Variants in MEF2A observed in about 807,000 individuals in gnomAD.
MEF2A encodes myocyte-specific enhancer factor 2A.
In MEF2A, 28 loss-of-function variants were observed where a neutral mutation model predicts 55.8. The observed-to-expected ratio is 0.50, with a 90% CI of 0.37 to 0.69. The LOEUF (loss-of-function observed/expected upper bound fraction) is 0.69. Among genes scored for constraint, MEF2A ranks in the 30% least tolerant of loss-of-function variants. The pLI is 0.00. For synonymous variants in MEF2A, 239 were observed against 227.1 expected, an observed-to-expected ratio of 1.05 and a Z score of -0.47; for missense variants, 528 against 626.2, an observed-to-expected ratio of 0.84 and a Z score of 1.67.
chr15:99,664,456 A>G (rs1362003231), intron 4 of MEF2A, among the ~76,000 whole-genome samples: 2 of 152,222 alleles, frequency 1.3e-5, no homozygotes, highest in African/African-American at 4.8e-5. Flanking sequence ...GATAATCTTC[A>G]TGTAGAAATG....
chr15:99,648,694 A>G (rs749649338), intron 4 of MEF2A, among the ~76,000 whole-genome samples: 4 of 152,130 alleles, frequency 2.6e-5, no homozygotes, highest in African/African-American at 7.2e-5. Flanking sequence ...TACTTTCCCT[A>G]TATTACTGAA....
At chr15:99,608,952 A>G (rs867903321) in intron 2 of MEF2A, among the ~76,000 whole-genome samples, 1 of 152,224 alleles carries the variant, frequency 6.6e-6, no homozygotes, top group East Asian at 1.9e-4. Flanking sequence ...AGGCAAAGGT[A>G]CCAGTATTCA....
intron 1 of MEF2A, among the ~76,000 whole-genome samples, chr15:99,596,579 A>G (rs1331843320): frequency 6.6e-6 from 1 of 152,232 alleles, no homozygotes; most frequent in Non-Finnish European, 1.5e-5. Flanking sequence ...ATCAGATTCA[A>G]AAGATTGGTG....
At chr15:99,624,752 T>G (rs2041797940) in intron 2 of MEF2A, among the ~76,000 whole-genome samples, 1 of 152,212 alleles carries the variant, frequency 6.6e-6, no homozygotes, top group Admixed American at 6.5e-5. Context: ...TGTAGATCCC[T>G]TTGTGCAGTA....
Position 99,712,437 on chromosome 15 carries a change from A to T in MEF2A, c.1184A>T (p.Asn395Ile), listed in dbSNP as rs776974654. The change falls in exon 12 of 12, where the codon AAC becomes ATC. Residue 395 changes from asparagine to isoleucine, a missense_variant. Transcript: ENST00000557942. The surrounding 1 kb of genome is among the most constrained non-coding windows in gnomAD (Gnocchi z 4.1). ...GGTTCCAATTTATCCATTAATACCA[A>T]CCAAAACATCAGCATCAAGTCCGAA... Reference protein sequence around the residue: ...SQGSNLSINTNQNISIKSEPI... With the variant: ...SQGSNLSINTIQNISIKSEPI... 6.5e-7 allele frequency: 1 copy of T among 1,550,016 alleles called. No homozygotes were observed. The highest frequency in any genetic ancestry group is 1.2e-5 in the South Asian group (1 of 83,970).
intron 2 of MEF2A, among the ~76,000 whole-genome samples, chr15:99,599,096 C>T (rs1972165597): frequency 6.6e-6 from 1 of 152,046 alleles, no homozygotes; most frequent in Non-Finnish European, 1.5e-5. Flanking sequence ...TTACATTGGC[C>T]TAGGTTAACA....
At chr15:99,633,845 GTT>G (rs2043311879) in intron 3 of MEF2A, among the ~76,000 whole-genome samples, 1 of 152,174 alleles carries the variant, frequency 6.6e-6, no homozygotes, top group African/African-American at 2.4e-5. Context: ...TGTAAATAAA[GTT>G]TTATTAGAGC....
chr15:99,575,621 ACTGAATAAT>A lies in MEF2A; in HGVS notation c.-225+9521_-225+9529del, dbSNP rs935727520. On this transcript the variant is annotated intron_variant, in intron 1 of 11. Transcript: ENST00000557942. ...AGGTATCATAGTCCCCTTTGTTATT[ACTGAATAAT>A]CTGTTGGAGACACTTGGAGACTGAA... Among the ~76,000 whole-genome samples the A allele has an allele frequency of 5.4e-4, 83 of 152,306 alleles. 1 individual carries two copies. The highest frequency in any genetic ancestry group is 2.0e-3 in the African/African-American group (82 of 41,558).
intron 7 of MEF2A, among the ~76,000 whole-genome samples, chr15:99,685,496 G>A (rs2054052276): frequency 6.6e-6 from 1 of 151,852 alleles, no homozygotes; most frequent in African/African-American, 2.4e-5. Flanking sequence ...TCTCAGCTTG[G>A]TCATTGTTGG....
intron 5 of MEF2A, 63 bp from the exon 6 acceptor site, chr15:99,674,329 CA>C: frequency 2.1e-6 from 3 of 1,460,316 alleles, no homozygotes; most frequent in Non-Finnish European, 2.8e-6. Flanking sequence ...AATTAAAGTT[CA>C]AAAGTTACTT....
intron 1 of MEF2A, among the ~76,000 whole-genome samples, chr15:99,573,015 G>A (rs1399710808): frequency 1.3e-5 from 2 of 152,108 alleles, no homozygotes; most frequent in African/African-American, 4.8e-5. Flanking sequence ...TCGGCCGGGC[G>A]CGGTGGCTCA....
chr15:99,567,212 G>C (rs1567123494), intron 1 of MEF2A, among the ~76,000 whole-genome samples: 1 of 152,182 alleles, frequency 6.6e-6, no homozygotes, highest in Admixed American at 6.5e-5. Flanking sequence ...GTGAGATTGG[G>C]ATTCCAATAA....
At chr15:99,689,114 G>T (rs570062303) in intron 7 of MEF2A, among the ~76,000 whole-genome samples, 1 of 152,304 alleles carries the variant, frequency 6.6e-6, no homozygotes, top group South Asian at 2.1e-4. Flanking sequence ...ATATCACAAT[G>T]TGCATTTTTC....
At chr15:99,608,660 A>G (rs1162365012) in intron 2 of MEF2A, among the ~76,000 whole-genome samples, 1 of 152,182 alleles carries the variant, frequency 6.6e-6, no homozygotes, top group African/African-American at 2.4e-5. Flanking sequence ...GCATTTTGGG[A>G]GGCCGAGGTG....
Position 99,592,201 on chromosome 15 carries a change from C to A in MEF2A, c.-224-6229C>A, listed in dbSNP as rs150481460. Among the ~76,000 whole-genome samples the A allele has an allele frequency of 3.6e-4, 55 of 152,146 alleles. 2 individuals carry two copies. In the East Asian group the frequency reaches 0.01, roughly 28 times the overall value. On this transcript the variant is annotated intron_variant, in intron 1 of 11. Transcript: ENST00000557942. Reference sequence around the variant, plus strand: ...ACTGTAGGACTAGGTTAGCACGCGGCGGTGCTGCTGCTGCATTTTCTACTG... The same window carrying A: ...ACTGTAGGACTAGGTTAGCACGCGGAGGTGCTGCTGCTGCATTTTCTACTG...
At chr15:99,654,144 T>C (rs1466365346) in intron 4 of MEF2A, among the ~76,000 whole-genome samples, 1 of 152,164 alleles carries the variant, frequency 6.6e-6, no homozygotes, top group African/African-American at 2.4e-5. Flanking sequence ...TGGTCTCTTA[T>C]AAACCTATCA....
chr15:99,695,134 C>T (rs764966629), intron 8 of MEF2A, among the ~76,000 whole-genome samples: 1 of 152,084 alleles, frequency 6.6e-6, no homozygotes, highest in African/African-American at 2.4e-5. Context: ...AACCAAGATC[C>T]GAGTGCTTTC....
intron 7 of MEF2A, among the ~76,000 whole-genome samples, chr15:99,682,499 A>G (rs2053428013): frequency 6.6e-6 from 1 of 152,210 alleles, no homozygotes; most frequent in Admixed American, 6.5e-5. Context: ...TCTGAAAAAT[A>G]TCTTCATTTT....
intron 7 of MEF2A, among the ~76,000 whole-genome samples, chr15:99,679,506 A>G (rs1458208057): frequency 3.3e-5 from 5 of 152,232 alleles, no homozygotes; most frequent in Admixed American, 6.5e-5. Flanking sequence ...GCAGGCCAAA[A>G]AAACTATAGT....
Sources: allele counts gnomAD v4.1 joint callset (sites outside exome capture counted in the v4.1 genomes callset), GRCh38; gene constraint gnomAD v4.1.1; non-coding constraint Gnocchi (gnomAD v3.1); transcripts MANE v1.5; gene names NCBI Gene and HGNC (gene_info 2026-07-23, HGNC 2026-07-21).